PMPCA: variants seen among roughly 807,000 people sequenced by gnomAD.
PMPCA encodes mitochondrial-processing peptidase subunit alpha.
In PMPCA, 47 loss-of-function variants were observed where a neutral mutation model predicts 59.3. The ratio of observed to expected loss-of-function variants is 0.79; its 90% CI spans 0.63 to 1.01. The LOEUF (loss-of-function observed/expected upper bound fraction) is 1.01. Among genes scored for constraint, PMPCA ranks in the 50% least tolerant of loss-of-function variants. The pLI, the probability that PMPCA is intolerant of heterozygous loss-of-function variation, is 0.00. For missense variants in PMPCA, 726 were observed against 704.5 expected, an observed-to-expected ratio of 1.03 and a Z score of -0.34; for synonymous variants, 338 against 290.3, an observed-to-expected ratio of 1.16 and a Z score of -1.67.
rs1835325336 is a variant in PMPCA at position 136,417,803 on chromosome 9, G to T, written c.898-214G>T. On this transcript the variant is annotated intron_variant, in intron 7 of 12. Transcript: ENST00000371717. The stretch of plus-strand genomic sequence containing the variant: ...TTTTTTTGTCTTTTTGGTAGAGGTG[G>T]AGTTTTGCCACATTGCCTAGGCTGG... Among the ~76,000 whole-genome samples, 3 of 151,604 alleles carry T rather than the reference G, an allele frequency of 2.0e-5. No homozygotes were observed. In the South Asian group the frequency reaches 6.2e-4, roughly 32 times the overall value.
At chr9:136,418,231 C>T (rs1302702055) in intron 8 of PMPCA, 122 bp downstream of exon 8, 3 of 749,998 alleles carry the variant, frequency 4.0e-6, no homozygotes, top group Admixed American at 3.8e-5. Flanking sequence ...TCAGCCAGCT[C>T]TGCCCTCTGT....
intron 4 of PMPCA, 102 bp from the exon 5 acceptor site, chr9:136,414,451 G>A: frequency 2.6e-6 from 2 of 775,878 alleles, no homozygotes; most frequent in Non-Finnish European, 4.6e-6. Context: ...TGAGCTCAGG[G>A]CCTGGCATTG....
At position 136,418,631 on chromosome 9, in the gene PMPCA, G is replaced by C; in HGVS notation, c.1067G>C (p.Gly356Ala). 1.2e-6 allele frequency: 2 copies of C among 1,613,550 alleles called. No individual in the cohort carries two copies. Among genetic ancestry groups the C allele is most frequent in the South Asian group, 2.2e-5 (2 of 91,072 alleles). ...GGGSFSAGGP[G>A]KGMFSRLYLN... ...GGCTCCTTCTCGGCTGGTGGGCCCG[G>C]CAAGGGCATGTTCTCCAGGCTCTAC... The change falls in exon 9 of 13, where the codon GGC becomes GCC. Residue 356 changes from glycine (G) to alanine (A), a missense_variant. Gly to Ala is a moderately conservative substitution (Grantham distance 60). Transcript: ENST00000371717.
chr9:136,415,319 C>T (rs1647179719), intron 5 of PMPCA, among the ~76,000 whole-genome samples: 1 of 152,222 alleles, frequency 6.6e-6, no homozygotes, highest in Non-Finnish European at 1.5e-5. Context: ...GACATCTGTG[C>T]CCTCATCCCT....
rs1835303146 is a variant in PMPCA at position 136,417,134 on chromosome 9, G to A, written c.817G>A (p.Gly273Arg). 1 of 1,613,322 alleles carries A rather than the reference G, an allele frequency of 6.2e-7. No homozygotes were observed. The highest frequency in any genetic ancestry group is 8.5e-7 in the Non-Finnish European group (1 of 1,179,748). The change falls in exon 7 of 13, where the codon GGG becomes AGG. Residue 273 changes from glycine (G) to arginine (R), a missense_variant. Physicochemically the swap from Gly to Arg is moderately radical, Grantham distance 125 (BLOSUM62 -2). Coordinates refer to ENST00000371717, the MANE Select transcript of PMPCA (RefSeq NM_015160.3). ...GGACTGTGCCCGGAAGTACCTCCTGGGGGTCCAGCCGGCCTGGGGGAGCGC... is the reference window on the plus strand; with the variant it reads ...GGACTGTGCCCGGAAGTACCTCCTGAGGGTCCAGCCGGCCTGGGGGAGCGC... Reference protein sequence around the residue: ...LVDCARKYLLGVQPAWGSAEA... With the variant: ...LVDCARKYLLRVQPAWGSAEA...
rs747465871 is a variant in PMPCA, at chr9:136,418,877, A to C, written c.1159A>C (p.Thr387Pro). 6.2e-7 allele frequency: 1 copy of C among 1,613,674 alleles called. No individual in the cohort carries two copies. Among genetic ancestry groups the C allele is most frequent in the Non-Finnish European group, 8.5e-7 (1 of 1,179,994 alleles). ...CTCCTACCACCACAGCTACGAGGACACTGGCCTCCTTTGCATCCATGCCAG... is the reference window on the plus strand; with the variant it reads ...CTCCTACCACCACAGCTACGAGGACCCTGGCCTCCTTTGCATCCATGCCAG... ...ATSYHHSYED[T>P]GLLCIHASAD... Residue 387 changes from threonine to proline, a missense_variant, in exon 10 of 13, where the codon ACT becomes CCT. Transcript: ENST00000371717.
At chr9:136,414,201 C>G (rs936643536) in intron 4 of PMPCA, among the ~76,000 whole-genome samples, 1 of 152,218 alleles carries the variant, frequency 6.6e-6, no homozygotes, top group African/African-American at 2.4e-5. Flanking sequence ...AAATCTGTAT[C>G]AGAAGTGGCT....
At position 136,418,076 on chromosome 9, in the gene PMPCA, C is replaced by T; in HGVS notation, c.957C>T (p.His319=). 3.1e-6 allele frequency: 5 copies of T among 1,613,672 alleles called. No individual in the cohort carries two copies. Among genetic ancestry groups the T allele is most frequent in the Non-Finnish European group, 4.2e-6 (5 of 1,179,488 alleles). The change falls in exon 8 of 13, where the codon CAC becomes CAT. Residue 319 remains histidine (H), a synonymous_variant. Coordinates refer to ENST00000371717, the MANE Select transcript of PMPCA (RefSeq NM_015160.3). Reference sequence around the variant, plus strand: ...CGACCCCCATCCCCGAGCTCACGCACATCATGGTTGGACTGGAGAGCTGCT... The same window carrying T: ...CGACCCCCATCCCCGAGCTCACGCATATCATGGTTGGACTGGAGAGCTGCT... ...LGPTPIPELT[H]IMVGLESCSF...
Position 136,416,216 on chromosome 9 carries a change from C to G in PMPCA, c.533-75C>G. On this transcript the variant is annotated intron_variant, in intron 5 of 12. Coordinates refer to ENST00000371717, the MANE Select transcript of PMPCA (RefSeq NM_015160.3). ...AACAGGCGACACTCAGGCCAGCACA[C>G]AAGCTGTGGGTCACTGCTGTGTTCC... 5 of 1,082,230 alleles carry G rather than the reference C, an allele frequency of 4.6e-6. No individual in the cohort carries two copies. In the South Asian group the frequency reaches 6.7e-5, roughly 14 times the overall value. The allele number at this position is 1,082,230 out of a possible 1,614,324, so 67.0% of individuals were successfully genotyped here.
chr9:136,418,235 C>T (rs1835339084), intron 8 of PMPCA, 126 bp downstream of exon 8: 12 of 734,042 alleles, frequency 1.6e-5, no homozygotes, highest in Non-Finnish European at 2.9e-5. Flanking sequence ...CCAGCTCTGC[C>T]CTCTGTCCCT....
Position 136,421,985 on chromosome 9 carries a change from C to CGTA in PMPCA, c.1408+10_1408+11insTAG. 3.7e-6 allele frequency: 6 copies of CGTA among 1,604,348 alleles called. No homozygotes were observed. The highest frequency in any genetic ancestry group is 5.1e-6 in the Non-Finnish European group (6 of 1,175,460). On this transcript the variant is annotated intron_variant, in intron 12 of 12. Coordinates refer to ENST00000371717, the MANE Select transcript of PMPCA (RefSeq NM_015160.3). Reference sequence around the variant, plus strand: ...GCTGTGCACGCTCATCCGTGAGTACCGCAGGGGTAGTGAGGGGCTGCCGCA... The same window carrying CGTA: ...GCTGTGCACGCTCATCCGTGAGTACCGTAGCAGGGGTAGTGAGGGGCTGCCGCA...
At position 136,412,542 on chromosome 9, in the gene PMPCA, T is replaced by C. The variant is rs1411122664; in HGVS notation, c.327T>C (p.Ala109=). The change falls in exon 3 of 13, where the codon GCT becomes GCC. Residue 109 remains alanine (A), a synonymous_variant. Transcript: ENST00000371717. The stretch of plus-strand genomic sequence containing the variant: ...AAGCGAAATACCTTAGTGGAATTGC[T>C]CACTTTTTGGAAAAATTGGCATTTT... ...RYEAKYLSGI[A]HFLEKLAFSS... 2 of 1,601,204 alleles carry C rather than the reference T, an allele frequency of 1.2e-6. No individual in the cohort carries two copies. The highest frequency in any genetic ancestry group is 1.7e-6 in the Non-Finnish European group (2 of 1,170,150).
intron 6 of PMPCA, 190 bp downstream of exon 6, chr9:136,416,581 A>T: frequency 1.5e-6 from 1 of 651,848 alleles, no homozygotes; most frequent in Non-Finnish European, 2.8e-6. Context: ...GGCTCAGCTC[A>T]GGTGATCCTC....
Position 136,423,602 on chromosome 9 carries a change from C to G in PMPCA, c.*338C>G, listed in dbSNP as rs546325654. 7.1e-4 allele frequency: 206 copies of G among 290,392 alleles called. No individual in the cohort carries two copies. Among genetic ancestry groups the G allele is most frequent in the African/African-American group, 4.1e-3 (195 of 47,122 alleles). 18.0% of individuals were successfully genotyped at this position (290,392 alleles called of 1,614,324 possible). On this transcript the variant is annotated 3_prime_UTR_variant, in exon 13 of 13. Coordinates refer to ENST00000371717, the MANE Select transcript of PMPCA (RefSeq NM_015160.3). ...GGAGGAGCCCTGAGCTGGGAGGCAG[C>G]AAAGGCTGACCTATCAAAGCCTCCC...
In PMPCA at chr9:136,423,340, T is replaced by G. The variant is rs1314351920; in HGVS notation, c.*76T>G. ...CCGTGCGTGTTAGTTTGGACACGAA[T>G]TTAGTCTAAAAAGCTGTCTGGTTGT... On this transcript the variant is annotated 3_prime_UTR_variant, in exon 13 of 13. Transcript: ENST00000371717. 2.8e-6 allele frequency: 4 copies of G among 1,446,044 alleles called. No individual in the cohort carries two copies. The highest frequency in any genetic ancestry group is 4.7e-5 in the East Asian group (2 of 42,692). 89.6% of individuals were successfully genotyped at this position (1,446,044 alleles called of 1,614,324 possible). A position where few individuals can be genotyped will look rare whatever the true frequency, so the allele number is the denominator to read the frequency against.
chr9:136,422,500 A>T (rs776502002), intron 12 of PMPCA: 75 of 1,028,254 alleles, frequency 7.3e-5, no homozygotes, highest in Non-Finnish European at 8.2e-5. Flanking sequence ...GCTGCCTATT[A>T]CGTTGGGGTG....
chr9:136,416,192 A>G (rs974268034), intron 5 of PMPCA, 99 bp from the exon 6 acceptor site: 2 of 850,144 alleles, frequency 2.4e-6, no homozygotes, highest in Non-Finnish European at 3.9e-6. Context: ...ACAGCCACCA[A>G]CAGGCGACAC....
intron 1 of PMPCA, among the ~76,000 whole-genome samples, chr9:136,411,602 G>C (rs1357804391): frequency 6.6e-6 from 1 of 152,228 alleles, no homozygotes; most frequent in African/African-American, 2.4e-5. Context: ...GATGAGTTTG[G>C]AGAGGGAGAC....
intron 8 of PMPCA, 31 bp from the exon 9 acceptor site, chr9:136,418,524 G>C (rs569867589): frequency 1.4e-6 from 2 of 1,413,636 alleles, no homozygotes; most frequent in Non-Finnish European, 2.0e-6. Flanking sequence ...GGCGTGGGTG[G>C]TTCAGCCAGC....
Sources: allele counts gnomAD v4.1 joint callset (sites outside exome capture counted in the v4.1 genomes callset), GRCh38; gene constraint gnomAD v4.1.1; transcripts MANE v1.5; gene names NCBI Gene and HGNC (gene_info 2026-07-23, HGNC 2026-07-21).